Variants in TPH2 observed in about 807,000 individuals in gnomAD.
TPH2 encodes tryptophan 5-hydroxylase 2.
A neutral mutation model predicts 59.1 loss-of-function variants in TPH2; 27 were observed. The observed-to-expected ratio is 0.46, with a 90% confidence interval of 0.34 to 0.63. TPH2 has a LOEUF of 0.63. Among genes scored for constraint, TPH2 ranks in the 30% least tolerant of loss-of-function variants. The pLI, the probability that TPH2 is intolerant of heterozygous loss-of-function variation, is 0.01. For synonymous variants in TPH2, 220 were observed against 210.5 expected, an observed-to-expected ratio of 1.05 and a Z score of -0.39; for missense variants, 523 against 588.3, an observed-to-expected ratio of 0.89 and a Z score of 1.15.
chr12:72,031,403 T>C lies in TPH2; in HGVS notation c.1298+12T>C. 6.2e-7 allele frequency: 1 copy of C among 1,613,614 alleles called. No individual in the cohort carries two copies. The highest frequency in any genetic ancestry group is 1.1e-5 in the South Asian group (1 of 91,076). On this transcript the variant is annotated intron_variant, in intron 10 of 10. Coordinates refer to ENST00000333850, the MANE Select transcript of TPH2 (RefSeq NM_173353.4). Reference sequence around the variant, plus strand: ...AAAGAAAAGATGAGGTAAACTTTTTTTTCCTCCTAGCTAGAGAAAATAACT... The same window carrying C: ...AAAGAAAAGATGAGGTAAACTTTTTCTTCCTCCTAGCTAGAGAAAATAACT...
At chr12:71,975,153 C>A (rs1423409293) in intron 6 of TPH2, among the ~76,000 whole-genome samples, 1 of 152,126 alleles carries the variant, frequency 6.6e-6, no homozygotes, top group African/African-American at 2.4e-5. Flanking sequence ...TCGAGACCAG[C>A]CTGGCCAACA....
intron 5 of TPH2, among the ~76,000 whole-genome samples, chr12:71,958,936 G>A (rs1566122287): frequency 6.6e-6 from 1 of 152,164 alleles, no homozygotes; most frequent in African/African-American, 2.4e-5. Flanking sequence ...AGCTCAGCAG[G>A]CACATTCAAT....
intron 8 of TPH2, among the ~76,000 whole-genome samples, chr12:72,020,778 C>A (rs564299588): frequency 6.6e-6 from 1 of 152,080 alleles, no homozygotes; most frequent in African/African-American, 2.4e-5. Flanking sequence ...TGAGTCACCA[C>A]GCCCAGTCTA....
chr12:71,943,798 C>G (rs1871133617), intron 2 of TPH2, among the ~76,000 whole-genome samples: 1 of 151,588 alleles, frequency 6.6e-6, no homozygotes, highest in Admixed American at 6.6e-5. Context: ...TTTCTGCTTG[C>G]CTTTTGTACT....
At chr12:71,973,240 G>C (rs1484135615) in intron 6 of TPH2, among the ~76,000 whole-genome samples, 1 of 152,144 alleles carries the variant, frequency 6.6e-6, no homozygotes, top group Non-Finnish European at 1.5e-5. Flanking sequence ...AGGAGGTAAG[G>C]CATTCTAAGT....
chr12:71,954,893 G>C (rs1871452166), intron 5 of TPH2, among the ~76,000 whole-genome samples: 1 of 151,984 alleles, frequency 6.6e-6, no homozygotes. Flanking sequence ...CTTGGAAAGA[G>C]GCCCTGAGCT....
chr12:71,989,868 T>C (rs1872539256), intron 7 of TPH2, among the ~76,000 whole-genome samples: 1 of 152,118 alleles, frequency 6.6e-6, no homozygotes, highest in African/African-American at 2.4e-5. Flanking sequence ...TTCTGCAGGC[T>C]TTAGAATCCC....
Position 71,944,477 on chromosome 12 carries a change from G to C in TPH2, c.439G>C (p.Glu147Gln). The change falls in exon 3 of 11, where the codon GAG becomes CAG. Residue 147 changes from glutamate to glutamine, a missense_variant and splice_region_variant. By Grantham distance (29) the Glu-to-Gln change is conservative. Coordinates refer to ENST00000333850, the MANE Select transcript of TPH2 (RefSeq NM_173353.4). ...PPENIWTEEEELEDVPWFPRK... is the reference protein window; with the variant it reads ...PPENIWTEEEQLEDVPWFPRK... The stretch of plus-strand genomic sequence containing the variant: ...AGAGAACATTTGGACAGAGGAAGAA[G>C]GCAAGGGTGGTCTTAGCTTGTCGGG... The C allele has an allele frequency of 1.2e-6, 2 of 1,613,954 alleles. No individual in the cohort carries two copies. The highest frequency in any genetic ancestry group is 1.7e-6 in the Non-Finnish European group (2 of 1,179,872).
intron 7 of TPH2, among the ~76,000 whole-genome samples, chr12:71,990,862 T>C (rs1306853122): frequency 2.0e-5 from 3 of 152,216 alleles, no homozygotes; most frequent in African/African-American, 4.8e-5. Flanking sequence ...AAATACAGCA[T>C]GGTCATTTCT....
At chr12:71,965,488 G>GT (rs563554115) in intron 5 of TPH2, 182 of 152,272 alleles carry the variant, frequency 1.2e-3, no homozygotes, top group African/African-American at 3.9e-3. Context: ...TCTGACTGGT[G>GT]TGAGATGGTC....
chr12:72,006,978 C>T (rs1445950121), intron 8 of TPH2, among the ~76,000 whole-genome samples: 1 of 152,100 alleles, frequency 6.6e-6, no homozygotes, highest in Non-Finnish European at 1.5e-5. Flanking sequence ...GTGGCCATAT[C>T]AGAAAGCACT....
intron 7 of TPH2, among the ~76,000 whole-genome samples, chr12:71,982,845 T>C (rs540689601): frequency 2.0e-5 from 3 of 152,354 alleles, no homozygotes; most frequent in Non-Finnish European, 4.4e-5. Context: ...ATACATTATC[T>C]GAAAAAAGAA....
At chr12:72,017,247 G>A (rs553476335) in intron 8 of TPH2, among the ~76,000 whole-genome samples, 16 of 152,132 alleles carry the variant, frequency 1.1e-4, no homozygotes, top group Non-Finnish European at 7.3e-5. Context: ...TACCAGTAGT[G>A]ATCTGAAGAT....
chr12:71,990,589 A>T (rs1317057155), intron 7 of TPH2, among the ~76,000 whole-genome samples: 2 of 152,240 alleles, frequency 1.3e-5, no homozygotes, highest in African/African-American at 4.8e-5. Context: ...TTGTTTGAAG[A>T]GTTTCCAGGC....
intron 5 of TPH2, chr12:71,961,724 A>G (rs76143560): frequency 0.028 from 37,721 of 1,348,120 alleles, 635 homozygotes; most frequent in Middle Eastern, 0.048. Flanking sequence ...GCAGATGAAA[A>G]TCACTTCTCT....
intron 6 of TPH2, among the ~76,000 whole-genome samples, chr12:71,975,246 G>C (rs1872084061): frequency 6.6e-6 from 1 of 152,152 alleles, no homozygotes; most frequent in Non-Finnish European, 1.5e-5. Flanking sequence ...TTGTGGGGCT[G>C]AGGCATGAGA....
intron 5 of TPH2, among the ~76,000 whole-genome samples, chr12:71,961,319 T>C (rs1375352246): frequency 6.6e-6 from 1 of 152,238 alleles, no homozygotes; most frequent in Admixed American, 6.5e-5. Context: ...ACATAATCCA[T>C]GTAATGAACT....
chr12:71,962,154 G>T (rs1417182643), intron 5 of TPH2: 22 of 988,198 alleles, frequency 2.2e-5, no homozygotes, highest in Non-Finnish European at 2.6e-5. Context: ...CTCTACAGAT[G>T]AGTCCCCGTC....
intron 8 of TPH2, among the ~76,000 whole-genome samples, chr12:72,010,124 G>C (rs1873061284): frequency 6.6e-6 from 1 of 152,212 alleles, no homozygotes; most frequent in South Asian, 2.1e-4. Flanking sequence ...CCAAGGTCAA[G>C]TAAATGGCAG....
Sources: allele counts gnomAD v4.1 joint callset (sites outside exome capture counted in the v4.1 genomes callset), GRCh38; gene constraint gnomAD v4.1.1; transcripts MANE v1.5; gene names NCBI Gene and HGNC (gene_info 2026-07-23, HGNC 2026-07-21).